The following GADL1 variants were observed in gnomAD, a reference collection of about 807,000 sequenced individuals.
GADL1 encodes the protein GAD like acidic amino acid decarboxylase 1.
In GADL1, 71 loss-of-function variants were observed where a neutral mutation model predicts 69.5. The observed-to-expected ratio is 1.02, with a 90% CI of 0.84 to 1.25. The LOEUF (loss-of-function observed/expected upper bound fraction) is 1.25. Ranked by LOEUF, GADL1 falls within the 50% of genes most tolerant of loss-of-function variation. The pLI is 0.00. For missense variants in GADL1, 737 were observed against 631.8 expected (o/e 1.17, Z -1.79); for synonymous variants, 254 against 214.4 (o/e 1.18, Z -1.62).
intron 11 of GADL1, among the ~76,000 whole-genome samples, chr3:30,815,462 G>A (rs766342045): frequency 3.3e-5 from 5 of 152,162 alleles, no homozygotes; most frequent in Non-Finnish European, 5.9e-5. Context: ...CAAGTGTCCC[G>A]AAGGGAACAA....
At chr3:30,753,417 T>C (rs923376871) in intron 14 of GADL1, among the ~76,000 whole-genome samples, 8 of 152,206 alleles carry the variant, frequency 5.3e-5, no homozygotes, top group African/African-American at 1.9e-4. Flanking sequence ...TTACCTTGGT[T>C]GAGGTTTTTC....
At chr3:30,759,806 ATC>A (rs1489464859) in intron 14 of GADL1, among the ~76,000 whole-genome samples, 2 of 152,306 alleles carry the variant, frequency 1.3e-5, no homozygotes, top group East Asian at 1.9e-4. Flanking sequence ...AGTCTCCAAT[ATC>A]TTTTAAGGTT....
intron 1 of GADL1, among the ~76,000 whole-genome samples, chr3:30,863,285 G>A (rs1698348872): frequency 6.6e-6 from 1 of 151,934 alleles, no homozygotes. Context: ...GAGTGATAGA[G>A]GAAAGAAAGC....
In GADL1 at chr3:30,893,972, C is replaced by A. The variant is rs148698714; in HGVS notation, c.37+606G>T. Reference sequence around the variant, plus strand: ...AATACCTGAATAACAATAATGATAACCTTTCAAAGAAGCAGCAACTATTAT... The same window carrying A: ...AATACCTGAATAACAATAATGATAAACTTTCAAAGAAGCAGCAACTATTAT... On this transcript the variant is annotated intron_variant, in intron 1 of 14. Transcript: ENST00000282538. Among the ~76,000 whole-genome samples, 6 of 152,308 alleles carry A rather than the reference C, an allele frequency of 3.9e-5. No individual in the cohort carries two copies. In the South Asian group the frequency reaches 8.3e-4, roughly 21 times the overall value.
intron 1 of GADL1, among the ~76,000 whole-genome samples, chr3:30,892,228 A>T (rs1698796252): frequency 6.6e-6 from 1 of 152,266 alleles, no homozygotes; most frequent in Non-Finnish European, 1.5e-5. Flanking sequence ...AGAATTCTTT[A>T]TCTGCAACAG....
intron 11 of GADL1, among the ~76,000 whole-genome samples, chr3:30,804,080 T>C (rs145973658): frequency 1.3e-5 from 2 of 152,334 alleles, no homozygotes; most frequent in African/African-American, 4.8e-5. Context: ...TATTAGGACT[T>C]GTACAGTGGC....
chr3:30,842,953 TA>T (rs1161193825), intron 8 of GADL1, among the ~76,000 whole-genome samples: 1 of 149,940 alleles, frequency 6.7e-6, no homozygotes, highest in Admixed American at 6.7e-5. Flanking sequence ...AGGTAGTTTT[TA>T]TGAAAACTTG....
At chr3:30,820,634 C>T (rs990583758) in intron 11 of GADL1, among the ~76,000 whole-genome samples, 1 of 152,040 alleles carries the variant, frequency 6.6e-6, no homozygotes, top group African/African-American at 2.4e-5. Context: ...TTAGAAAAGC[C>T]ATTGATGGGG....
intron 1 of GADL1, among the ~76,000 whole-genome samples, chr3:30,881,252 C>T (rs1280608085): frequency 6.6e-6 from 1 of 151,718 alleles, no homozygotes; most frequent in Non-Finnish European, 1.5e-5. Flanking sequence ...TGCAAGCTTC[C>T]TATCTGACAA....
intron 1 of GADL1, among the ~76,000 whole-genome samples, chr3:30,862,664 T>G (rs181675272): frequency 6.6e-6 from 1 of 152,124 alleles, no homozygotes; most frequent in Non-Finnish European, 1.5e-5. Context: ...TTGTATTGGA[T>G]GTATCTGAAT....
intron 11 of GADL1, among the ~76,000 whole-genome samples, chr3:30,825,170 C>T (rs1468481934): frequency 6.6e-6 from 1 of 151,854 alleles, no homozygotes; most frequent in East Asian, 1.9e-4. Context: ...GCAGGAGATT[C>T]AAGACCAGGG....
intron 9 of GADL1, among the ~76,000 whole-genome samples, chr3:30,834,808 G>A (rs1287221581): frequency 5.3e-5 from 8 of 152,060 alleles, no homozygotes; most frequent in Non-Finnish European, 8.8e-5. Flanking sequence ...ATGAGAGAGA[G>A]GGCAAGCTTG....
rs1164925485 is a variant in GADL1, at chr3:30,727,642, A to C, written c.*600T>G. The C allele has an allele frequency of 6.6e-6, 1 of 152,168 alleles. No individual in the cohort carries two copies. The highest frequency in any genetic ancestry group is 2.4e-5 in the African/African-American group (1 of 41,432). The allele number at this position is 152,168 out of a possible 1,614,324, so 9.4% of individuals were successfully genotyped here. On this transcript the variant is annotated 3_prime_UTR_variant, in exon 15 of 15. Transcript: ENST00000282538. Reference sequence around the variant, plus strand: ...CAAAGACTGGCTCAGAGGCTTCTGAAATATTAGATATCCCTTTGCTGGCAA... The same window carrying C: ...CAAAGACTGGCTCAGAGGCTTCTGACATATTAGATATCCCTTTGCTGGCAA...
chr3:30,881,513 A>G (rs1481237592), intron 1 of GADL1, among the ~76,000 whole-genome samples: 6 of 151,632 alleles, frequency 4.0e-5, no homozygotes, highest in Non-Finnish European at 5.9e-5. Flanking sequence ...CAAGAGAAGG[A>G]AGAAAATATC....
chr3:30,829,656 G>A (rs1005488785), intron 11 of GADL1, among the ~76,000 whole-genome samples: 1 of 151,856 alleles, frequency 6.6e-6, no homozygotes, highest in Non-Finnish European at 1.5e-5. Flanking sequence ...AGTTACTGCT[G>A]ACATGAAGGC....
chr3:30,836,399 A>G lies in GADL1; in HGVS notation c.904-2118T>C, dbSNP rs538855647. On this transcript the variant is annotated intron_variant, in intron 9 of 14. Coordinates refer to ENST00000282538, the MANE Select transcript of GADL1 (RefSeq NM_207359.3). The stretch of plus-strand genomic sequence containing the variant: ...AGCTCATCCATAAATTTATTCCTTA[A>G]AAAAAAAAAAACACCCCTGATGTAA... Among the ~76,000 whole-genome samples the G allele has an allele frequency of 1.3e-3, 187 of 148,610 alleles. 1 individual carries two copies. The highest frequency in any genetic ancestry group is 2.2e-3 in the Non-Finnish European group (150 of 66,670).
At chr3:30,729,817 T>A (rs1436132280) in intron 14 of GADL1, among the ~76,000 whole-genome samples, 3 of 152,220 alleles carry the variant, frequency 2.0e-5, no homozygotes, top group Admixed American at 6.5e-5. Context: ...AATTTTAGAA[T>A]ATAAGTCTTG....
At position 30,738,722 on chromosome 3, in the gene GADL1, C is replaced by A. The variant is rs189712650; in HGVS notation, c.1393-10307G>T. On this transcript the variant is annotated intron_variant, in intron 14 of 14. Coordinates refer to ENST00000282538, the MANE Select transcript of GADL1 (RefSeq NM_207359.3). ...GTGTCTGGCCATTTCAGCAGGCATACGATGCTTTAGTTTCGGCACTACTGC... is the reference window on the plus strand; with the variant it reads ...GTGTCTGGCCATTTCAGCAGGCATAAGATGCTTTAGTTTCGGCACTACTGC... Among the ~76,000 whole-genome samples the A allele has an allele frequency of 2.0e-3, 297 of 152,214 alleles. 1 individual carries two copies. Among genetic ancestry groups the A allele is most frequent in the African/African-American group, 7.0e-3 (290 of 41,528 alleles).
At chr3:30,761,064 T>G (rs1304456177) in intron 14 of GADL1, among the ~76,000 whole-genome samples, 5 of 152,344 alleles carry the variant, frequency 3.3e-5, no homozygotes, top group South Asian at 4.1e-4. Context: ...TTGTATATTT[T>G]GAATGGAAAA....
Sources: gnomAD v4.1 joint callset for allele counts (sites outside exome capture counted in the v4.1 genomes callset) on GRCh38, gnomAD v4.1.1 for gene constraint, MANE v1.5 for transcripts, NCBI Gene and HGNC (gene_info 2026-07-23, HGNC 2026-07-21) for gene names.